RGS6: variants seen among roughly 807,000 people sequenced by gnomAD.
The protein encoded by RGS6 is regulator of G-protein signaling 6.
RGS6 carries 30 observed loss-of-function variants against 78.5 expected under a neutral mutation model. The ratio of observed to expected loss-of-function variants is 0.38; its 90% CI spans 0.29 to 0.52. The LOEUF (loss-of-function observed/expected upper bound fraction) is 0.52, where lower values mean the gene tolerates loss of function less well. Among genes scored for constraint, RGS6 ranks in the 20% least tolerant of loss-of-function variants. The probability of loss-of-function intolerance (pLI) is 0.85; values close to 1 mark genes in which losing one functional copy is unlikely to be tolerated. For missense variants in RGS6, 495 were observed against 609.7 expected (o/e 0.81, Z 1.98); for synonymous variants, 206 against 206.0 (o/e 1.00, Z 0.00).
At chr14:72,203,821 C>CTTTTTTTTTT (rs142494669) in intron 2 of RGS6, among the ~76,000 whole-genome samples, 1 of 106,742 alleles carries the variant, frequency 9.4e-6, no homozygotes, top group African/African-American at 3.4e-5. Flanking sequence ...TTCTTTCTTT[C>CTTTTTTTTTT]TTTTTTTTTT....
intron 2 of RGS6, among the ~76,000 whole-genome samples, chr14:72,095,178 T>C (rs1410864260): frequency 1.3e-5 from 2 of 152,108 alleles, no homozygotes; most frequent in Admixed American, 6.6e-5. Context: ...ATGATTGAGC[T>C]CAATTTTGCA....
At chr14:72,502,719 G>A (rs973113427) in intron 13 of RGS6, among the ~76,000 whole-genome samples, 4 of 152,240 alleles carry the variant, frequency 2.6e-5, no homozygotes, top group Non-Finnish European at 4.4e-5. Context: ...AGCTGAGATC[G>A]TGCCATTGCA....
intron 2 of RGS6, among the ~76,000 whole-genome samples, chr14:72,243,528 A>C (rs2053460777): frequency 6.6e-6 from 1 of 152,204 alleles, no homozygotes; most frequent in South Asian, 2.1e-4. Flanking sequence ...CATATTTGCT[A>C]CAGGTATTGA....
intron 2 of RGS6, among the ~76,000 whole-genome samples, chr14:72,256,066 A>G (rs1228880047): frequency 3.3e-5 from 5 of 152,244 alleles, no homozygotes; most frequent in African/African-American, 1.2e-4. Context: ...GAGCCAAGGC[A>G]CTGAGACAGT....
chr14:72,532,080 G>A (rs754884876), intron 15 of RGS6, among the ~76,000 whole-genome samples: 1 of 152,184 alleles, frequency 6.6e-6, no homozygotes, highest in Non-Finnish European at 1.5e-5. Context: ...ATGCCTTATA[G>A]ATTCTGTGTT....
At chr14:71,955,286 C>T (rs765277718) in intron 1 of RGS6, among the ~76,000 whole-genome samples, 11 of 152,246 alleles carry the variant, frequency 7.2e-5, no homozygotes, top group East Asian at 3.9e-4. Flanking sequence ...TTCTATTAAC[C>T]ATCTAATTAA....
chr14:72,540,800 G>T (rs2097315166), intron 17 of RGS6: 1 of 985,430 alleles, frequency 1.0e-6, no homozygotes, highest in South Asian at 4.7e-5. Flanking sequence ...ATTCTAACAG[G>T]CTGGGTAAAG....
intron 2 of RGS6, among the ~76,000 whole-genome samples, chr14:72,028,551 T>G (rs1322099973): frequency 6.6e-6 from 1 of 152,250 alleles, no homozygotes; most frequent in Non-Finnish European, 1.5e-5. Context: ...GAATAAGCCC[T>G]GTAGAGAAAT....
At chr14:71,948,252 C>G (rs1322448908) in intron 1 of RGS6, among the ~76,000 whole-genome samples, 2 of 152,180 alleles carry the variant, frequency 1.3e-5, no homozygotes, top group African/African-American at 4.8e-5. Context: ...GTCCTTATCT[C>G]AGTCTCAGGG....
chr14:72,029,346 C>T (rs735157), intron 2 of RGS6, among the ~76,000 whole-genome samples: 10,390 of 152,268 alleles, frequency 0.068, 457 homozygotes, highest in East Asian at 0.17. Context: ...AAGAAAACTG[C>T]AGCCATCACT....
intron 2 of RGS6, among the ~76,000 whole-genome samples, chr14:72,113,115 C>G (rs761131193): frequency 2.0e-5 from 3 of 152,166 alleles, no homozygotes; most frequent in Non-Finnish European, 2.9e-5. Context: ...CACACACACA[C>G]CCCACTTCAT....
intron 2 of RGS6, among the ~76,000 whole-genome samples, chr14:71,987,054 G>T (rs866383146): frequency 3.1e-4 from 47 of 152,156 alleles, no homozygotes; most frequent in South Asian, 2.1e-4. Flanking sequence ...CTTTTGCCAA[G>T]TCAAATAACA....
At chr14:72,552,763 G>T (rs2097525029) in intron 17 of RGS6, 1 of 152,190 alleles carries the variant, frequency 6.6e-6, no homozygotes, top group African/African-American at 2.4e-5. Flanking sequence ...CCGGACCCCT[G>T]GGGTGGGCAC....
chr14:72,455,143 A>G (rs1365564474), intron 4 of RGS6, among the ~76,000 whole-genome samples: 1 of 98,870 alleles, frequency 1.0e-5, no homozygotes, highest in Non-Finnish European at 2.4e-5. Context: ...TCACAGTGTA[A>G]TTAGGAAATG....
the RGS6 span, among the ~76,000 whole-genome samples, chr14:72,618,327 A>G: frequency 6.6e-6 from 1 of 152,184 alleles, no homozygotes; most frequent in Non-Finnish European, 1.5e-5. Flanking sequence ...AGGTTTCTCA[A>G]AGCTGCAGCC....
intron 2 of RGS6, among the ~76,000 whole-genome samples, chr14:72,328,722 G>A (rs921500957): frequency 6.6e-6 from 1 of 152,166 alleles, no homozygotes; most frequent in African/African-American, 2.4e-5. Context: ...CCTGAGAGCT[G>A]TTAGGAACAA....
chr14:72,233,434 G>T (rs1401336177), intron 2 of RGS6, among the ~76,000 whole-genome samples: 1 of 152,170 alleles, frequency 6.6e-6, no homozygotes, highest in Non-Finnish European at 1.5e-5. Flanking sequence ...TGGGTAAATT[G>T]TTTATGGAAT....
intron 2 of RGS6, among the ~76,000 whole-genome samples, chr14:72,322,583 C>A (rs1181895554): frequency 6.6e-6 from 1 of 151,950 alleles, no homozygotes; most frequent in African/African-American, 2.4e-5. Context: ...ATAAATAGAG[C>A]ACACAAAAAA....
intron 2 of RGS6, among the ~76,000 whole-genome samples, chr14:72,246,350 TGACA>T (rs2054214094): frequency 6.6e-6 from 1 of 152,228 alleles, no homozygotes; most frequent in South Asian, 2.1e-4. Context: ...AAGGGTAAAG[TGACA>T]GAGCTTGCCT....
Sources: allele counts gnomAD v4.1 joint callset (sites outside exome capture counted in the v4.1 genomes callset), GRCh38; gene constraint gnomAD v4.1.1; transcripts MANE v1.5; gene names NCBI Gene and HGNC (gene_info 2026-07-23, HGNC 2026-07-21).